Variants in MCC observed in about 807,000 individuals in gnomAD.
MCC encodes MCC regulator of Wnt signaling pathway, also known as colorectal mutant cancer protein.
Under a neutral mutation model 116.2 loss-of-function variants are expected in MCC, and 90 were observed. That is an observed-to-expected ratio of 0.77 (90% CI 0.65 to 0.92). MCC has a LOEUF of 0.92. Ranked by LOEUF, MCC falls within the 40% of genes least tolerant of loss-of-function variation. The pLI is 0.00. For synonymous variants in MCC, 578 were observed against 510.5 expected (o/e 1.13, Z -1.78); for missense variants, 1,516 against 1,312.2 (o/e 1.16, Z -2.40).
Position 113,325,558 on chromosome 5 carries a change from A to G in MCC, c.627+14961T>C, listed in dbSNP as rs145266709. Reference sequence around the variant, plus strand: ...CAAAGTCTTTTGCTGCTGTTAGGCAATCACGCAGAATCACAAGTGCTGTGG... The same window carrying G: ...CAAAGTCTTTTGCTGCTGTTAGGCAGTCACGCAGAATCACAAGTGCTGTGG... On this transcript the variant is annotated intron_variant, in intron 3 of 18. Transcript: ENST00000408903. Among the ~76,000 whole-genome samples, 11 of 150,460 alleles carry G rather than the reference A, an allele frequency of 7.3e-5. No individual in the cohort carries two copies. The East Asian group carries it at 2.2e-3, about 29-fold the overall frequency.
intron 17 of MCC, among the ~76,000 whole-genome samples, chr5:113,036,551 G>A (rs917099578): frequency 3.6e-4 from 55 of 152,242 alleles, no homozygotes; most frequent in African/African-American, 1.3e-3. Flanking sequence ...GGTTCTGCAG[G>A]TATGTCGGTG....
At chr5:113,301,520 T>C (rs749614488) in intron 3 of MCC, among the ~76,000 whole-genome samples, 17 of 151,710 alleles carry the variant, frequency 1.1e-4, no homozygotes, top group Non-Finnish European at 1.8e-4. Context: ...AAATTCCATC[T>C]CAAAGAAAAG....
chr5:113,357,180 T>C (rs1184197409), intron 2 of MCC, among the ~76,000 whole-genome samples: 1 of 152,198 alleles, frequency 6.6e-6, no homozygotes, highest in African/African-American at 2.4e-5. Context: ...AGTTAAAATA[T>C]GTACAGCATT....
At chr5:113,079,148 C>T (rs181052748) in intron 11 of MCC, among the ~76,000 whole-genome samples, 203 of 151,922 alleles carry the variant, frequency 1.3e-3, no homozygotes, top group African/African-American at 3.6e-3. Flanking sequence ...CACTGCTCAA[C>T]GAAATAGAAG....
At chr5:113,294,187 C>A in intron 3 of MCC, 6 of 1,015,362 alleles carry the variant, frequency 5.9e-6, no homozygotes, top group Non-Finnish European at 8.7e-6. Flanking sequence ...TCCAGAAAAT[C>A]TACTAATCTT....
At chr5:113,177,564 A>G (rs1371549836) in intron 3 of MCC, among the ~76,000 whole-genome samples, 1 of 152,258 alleles carries the variant, frequency 6.6e-6, no homozygotes, top group Non-Finnish European at 1.5e-5. Context: ...AATCAATGAT[A>G]TAAGTCTGCT....
At position 113,434,462 on chromosome 5, in the gene MCC, G is replaced by A. The variant is rs1770783079; in HGVS notation, c.171-49250C>T. 1.2e-6 allele frequency: 2 copies of A among 1,613,794 alleles called. No individual in the cohort carries two copies. The highest frequency in any genetic ancestry group is 1.7e-5 in the Admixed American group (1 of 60,000). On this transcript the variant is annotated intron_variant, in intron 1 of 18. Transcript: ENST00000408903. This position sits in a 1 kb window ranked among gnomAD's most constrained non-coding sequence, Gnocchi z 4.2. ...GGTGGACGACGTCCAGGTCGTGGCA[G>A]TACTTGATGGCCAAGGAAAGCTGGT...
chr5:113,467,568 G>A (rs1171181932), intron 1 of MCC, among the ~76,000 whole-genome samples: 18 of 152,064 alleles, frequency 1.2e-4, no homozygotes, highest in African/African-American at 3.6e-4. Context: ...CCAGTACCAC[G>A]CTGTTTTGGT....
intron 3 of MCC, among the ~76,000 whole-genome samples, chr5:113,292,816 A>G (rs970336991): frequency 4.6e-5 from 7 of 152,314 alleles, no homozygotes; most frequent in Admixed American, 2.6e-4. Flanking sequence ...AAATGCCTTC[A>G]GTTTTGGGGT....
intron 1 of MCC, among the ~76,000 whole-genome samples, chr5:113,424,475 G>A (rs918761373): frequency 1.3e-5 from 2 of 152,140 alleles, no homozygotes; most frequent in East Asian, 1.9e-4. Context: ...AGCACTTTGG[G>A]AGGCCAAGGC....
At chr5:113,321,508 A>G (rs975777263) in intron 3 of MCC, among the ~76,000 whole-genome samples, 1 of 152,216 alleles carries the variant, frequency 6.6e-6, no homozygotes, top group Non-Finnish European at 1.5e-5. Flanking sequence ...CGGAGCCCAC[A>G]TTAGGAAACT....
intron 1 of MCC, among the ~76,000 whole-genome samples, chr5:113,483,242 C>G (rs1432730563): frequency 2.0e-5 from 3 of 152,144 alleles, no homozygotes; most frequent in Admixed American, 1.3e-4. Flanking sequence ...ATTGTTTTGA[C>G]TCTTCTGGGT....
intron 2 of MCC, among the ~76,000 whole-genome samples, chr5:113,365,524 C>A (rs980915745): frequency 6.6e-6 from 1 of 152,198 alleles, no homozygotes; most frequent in African/African-American, 2.4e-5. Flanking sequence ...CTAAGCCCTC[C>A]ACACTCTTCC....
At chr5:113,276,428 C>T (rs939383988) in intron 3 of MCC, among the ~76,000 whole-genome samples, 11 of 152,094 alleles carry the variant, frequency 7.2e-5, no homozygotes, top group Non-Finnish European at 1.5e-4. Flanking sequence ...CTGCACAATA[C>T]ACTGCTCAGT....
chr5:113,104,283 T>G lies in MCC; in HGVS notation c.1100A>C (p.Lys367Thr), dbSNP rs775766490. 1.2e-6 allele frequency: 2 copies of G among 1,613,968 alleles called. No homozygotes were observed. The highest frequency in any genetic ancestry group is 2.7e-5 in the African/African-American group (2 of 74,938). ...TGLENVVCGR[K>T]KSSCSLSVAE... is the part of the protein sequence containing the mutation. ...CACGGAGAGGCTGCAGCTGCTCTTC[T>G]TCCTGCCGCAGACAACATTCTCCAG... Residue 367 changes from lysine (K) to threonine (T), a missense_variant, in exon 7 of 19, where the codon AAG (lysine) becomes ACG (threonine). By Grantham distance (78) the Lys-to-Thr change is moderately conservative. Coordinates refer to ENST00000408903, the MANE Select transcript of MCC (RefSeq NM_001085377.2).
intron 3 of MCC, among the ~76,000 whole-genome samples, chr5:113,204,902 T>C (rs1294153885): frequency 6.6e-6 from 1 of 152,192 alleles, no homozygotes; most frequent in East Asian, 1.9e-4. Flanking sequence ...ATATGAATAG[T>C]ACAGAAAACA....
At chr5:113,445,126 A>C (rs1159487247) in intron 1 of MCC, among the ~76,000 whole-genome samples, 2 of 152,126 alleles carry the variant, frequency 1.3e-5, no homozygotes, top group Non-Finnish European at 2.9e-5. Flanking sequence ...TTCCATCCTC[A>C]GTTTCCAAGA....
Position 113,434,561 on chromosome 5 carries a change from C to T in MCC, c.171-49349G>A, listed in dbSNP as rs26981. The T allele has an allele frequency of 3.8e-5, 62 of 1,613,158 alleles. No homozygotes were observed. The highest frequency in any genetic ancestry group is 4.8e-5 in the Non-Finnish European group (57 of 1,179,552). Reference sequence around the variant, plus strand: ...TTAACTCGAGGAGGTCGCCCTGGACCGCGAGCTCCATGACGATGTAGACCT... The same window carrying T: ...TTAACTCGAGGAGGTCGCCCTGGACTGCGAGCTCCATGACGATGTAGACCT... On this transcript the variant is annotated intron_variant, in intron 1 of 18. Transcript: ENST00000408903. This position sits in a 1 kb window ranked among gnomAD's most constrained non-coding sequence, Gnocchi z 4.2.
At chr5:113,264,304 C>G (rs1244762274) in intron 3 of MCC, among the ~76,000 whole-genome samples, 1 of 152,156 alleles carries the variant, frequency 6.6e-6, no homozygotes, top group African/African-American at 2.4e-5. Flanking sequence ...TGCCTCCCTC[C>G]CCAGTGATAC....
Sources: allele counts gnomAD v4.1 joint callset (sites outside exome capture counted in the v4.1 genomes callset), GRCh38; gene constraint gnomAD v4.1.1; non-coding constraint Gnocchi (gnomAD v3.1); transcripts MANE v1.5; gene names NCBI Gene and HGNC (gene_info 2026-07-23, HGNC 2026-07-21).